The following LRRC7 variants were observed in gnomAD, a reference collection of about 807,000 sequenced individuals.
LRRC7 encodes the protein leucine-rich repeat-containing protein 7.
In LRRC7, 23 loss-of-function variants were observed where a neutral mutation model predicts 175.7. The ratio of observed to expected loss-of-function variants is 0.13; its 90% CI spans 0.09 to 0.19. LRRC7 has a LOEUF of 0.19. LRRC7 is among the 10% of genes least tolerant of loss of function. The probability of loss-of-function intolerance (pLI) is 1.00; values close to 1 mark genes in which losing one functional copy is unlikely to be tolerated. For missense variants in LRRC7, 1,354 were observed against 1,904.7 expected, an observed-to-expected ratio of 0.71 and a Z score of 5.38; for synonymous variants, 685 against 680.9, an observed-to-expected ratio of 1.01 and a Z score of -0.09.
At position 70,125,414 on chromosome 1, in the gene LRRC7, T is replaced by C. The variant is rs1055809745; in HGVS notation, c.*3527T>C. 6.6e-6 allele frequency among the ~76,000 whole-genome samples: 1 copy of C among 152,200 alleles called. No individual in the cohort carries two copies. Among genetic ancestry groups the C allele is most frequent in the Non-Finnish European group, 1.5e-5 (1 of 68,026 alleles). On this transcript the variant is annotated 3_prime_UTR_variant, in exon 27 of 27. Coordinates refer to ENST00000651989, the MANE Select transcript of LRRC7 (RefSeq NM_001370785.2). ...GACTGACAAGCCAATGTTAATTTGC[T>C]CTTAATCTTAAAGATGATTGCACAC...
chr1:70,068,362 C>T (rs769406233), intron 23 of LRRC7, among the ~76,000 whole-genome samples: 6 of 152,116 alleles, frequency 3.9e-5, no homozygotes, highest in South Asian at 2.1e-4. Flanking sequence ...GATATGATCA[C>T]GATTTTTCTT....
At chr1:69,710,397 T>C (rs1252932931) in intron 2 of LRRC7, among the ~76,000 whole-genome samples, 1 of 152,046 alleles carries the variant, frequency 6.6e-6, no homozygotes, top group Non-Finnish European at 1.5e-5. Context: ...CTTCAGGGCT[T>C]CCTTCTCTTG....
chr1:69,760,475 C>G, intron 3 of LRRC7, 82 bp downstream of exon 3: 1 of 1,127,800 alleles, frequency 8.9e-7, no homozygotes, highest in Non-Finnish European at 1.3e-6. Flanking sequence ...GTAATGTGAA[C>G]TATGGGCTCC....
chr1:69,851,447 G>A (rs1281792069), intron 7 of LRRC7, among the ~76,000 whole-genome samples: 1 of 152,118 alleles, frequency 6.6e-6, no homozygotes, highest in Non-Finnish European at 1.5e-5. Context: ...TAATGATGCA[G>A]AAGAGAAGGG....
At chr1:69,760,960 TACAC>T (rs59808973) in intron 3 of LRRC7, among the ~76,000 whole-genome samples, 36 of 149,524 alleles carry the variant, frequency 2.4e-4, no homozygotes, top group Admixed American at 6.7e-4. Context: ...TTTGTGCACA[TACAC>T]ACACACACAC....
chr1:69,604,749 C>T (rs1240332813), intron 1 of LRRC7, among the ~76,000 whole-genome samples: 1 of 151,716 alleles, frequency 6.6e-6, no homozygotes, highest in Non-Finnish European at 1.5e-5. Flanking sequence ...TAGCTGGTAG[C>T]ATGTATTAGG....
rs2102249148 is a variant in LRRC7 at position 70,123,093 on chromosome 1, A to C, written c.*1206A>C. 6.6e-6 allele frequency: 1 copy of C among 152,662 alleles called. No homozygotes were observed. The highest frequency in any genetic ancestry group is 2.1e-4 in the South Asian group (1 of 4,830). 9.5% of individuals were successfully genotyped at this position (152,662 alleles called of 1,614,324 possible). ...AAAATCCTGAATGCTTTTTCACTGA[A>C]GAGAAAGACAAGCATGGTTAATGTA... is the stretch of plus-strand genomic sequence containing the variant. On this transcript the variant is annotated 3_prime_UTR_variant, in exon 27 of 27. Transcript: ENST00000651989.
intron 7 of LRRC7, among the ~76,000 whole-genome samples, chr1:69,887,493 A>G (rs1196586762): frequency 1.4e-5 from 2 of 146,876 alleles, no homozygotes; most frequent in Admixed American, 1.3e-4. Flanking sequence ...ACTTCTCTCT[A>G]TTGGTTATTC....
chr1:70,020,873 C>CT (rs1030807465), intron 15 of LRRC7, 132 bp from the exon 16 acceptor site: 20 of 623,710 alleles, frequency 3.2e-5, no homozygotes, highest in Admixed American at 4.4e-5. Context: ...CTTTCTCTTT[C>CT]TTTTTTTCTT....
intron 7 of LRRC7, among the ~76,000 whole-genome samples, chr1:69,889,051 T>C (rs1196847739): frequency 2.0e-5 from 3 of 152,250 alleles, no homozygotes; most frequent in African/African-American, 4.8e-5. Context: ...AATAGCATTA[T>C]GTCTTTAAAA....
intron 1 of LRRC7, among the ~76,000 whole-genome samples, chr1:69,574,610 T>C (rs548462821): frequency 4.6e-5 from 7 of 152,284 alleles, no homozygotes; most frequent in African/African-American, 1.7e-4. Flanking sequence ...AGAATTAATA[T>C]GTCACAGATG....
chr1:69,688,283 G>A (rs770212931), intron 2 of LRRC7, among the ~76,000 whole-genome samples: 2 of 152,076 alleles, frequency 1.3e-5, no homozygotes, highest in Non-Finnish European at 2.9e-5. Context: ...TTTTCCAATT[G>A]ACTTCACCTC....
intron 2 of LRRC7, among the ~76,000 whole-genome samples, chr1:69,701,465 G>A (rs1663343980): frequency 6.6e-6 from 1 of 152,230 alleles, no homozygotes; most frequent in African/African-American, 2.4e-5. Flanking sequence ...TTGAATGACT[G>A]AATTAGTGAA....
chr1:70,078,793 C>A (rs1044117759), intron 24 of LRRC7, among the ~76,000 whole-genome samples: 1 of 96,214 alleles, frequency 1.0e-5, no homozygotes, highest in Non-Finnish European at 1.9e-5. Flanking sequence ...TCTACATATA[C>A]GCGCGCGCGC....
At chr1:69,796,275 A>C (rs572301107) in intron 4 of LRRC7, among the ~76,000 whole-genome samples, 1 of 151,588 alleles carries the variant, frequency 6.6e-6, no homozygotes, top group Non-Finnish European at 1.5e-5. Context: ...AGTTTCATCC[A>C]TGTCCCTACA....
At chr1:69,737,124 A>G (rs897898586) in intron 2 of LRRC7, among the ~76,000 whole-genome samples, 4 of 152,056 alleles carry the variant, frequency 2.6e-5, no homozygotes, top group African/African-American at 7.2e-5. Flanking sequence ...TTCACTTAAC[A>G]TCCACTAGCC....
chr1:69,940,130 C>CT (rs1648557765), intron 8 of LRRC7, among the ~76,000 whole-genome samples: 1 of 152,104 alleles, frequency 6.6e-6, no homozygotes, highest in Non-Finnish European at 1.5e-5. Context: ...TTAAAATGAA[C>CT]TTTCTGGCTG....
intron 10 of LRRC7, among the ~76,000 whole-genome samples, chr1:69,993,213 T>C (rs1230361977): frequency 2.0e-5 from 3 of 152,144 alleles, no homozygotes; most frequent in African/African-American, 7.2e-5. Context: ...CAATGATAAA[T>C]TGCCACAATG....
intron 3 of LRRC7, among the ~76,000 whole-genome samples, chr1:69,791,357 C>T (rs780113472): frequency 3.9e-5 from 6 of 152,106 alleles, no homozygotes; most frequent in Admixed American, 2.0e-4. Context: ...ATAATTCACA[C>T]TTTAAAGAAG....
Sources: allele counts gnomAD v4.1 joint callset (sites outside exome capture counted in the v4.1 genomes callset), GRCh38; gene constraint gnomAD v4.1.1; transcripts MANE v1.5; gene names NCBI Gene and HGNC (gene_info 2026-07-23, HGNC 2026-07-21).